IP6K1: variants seen among roughly 807,000 people sequenced by gnomAD.
IP6K1 encodes inositol hexakisphosphate kinase 1.
In IP6K1, 13 loss-of-function variants were observed where a neutral mutation model predicts 38.3. The observed-to-expected ratio is 0.34, with a 90% CI of 0.22 to 0.54. The LOEUF is 0.54. Among genes scored for constraint, IP6K1 ranks in the 20% least tolerant of loss-of-function variants. The probability of loss-of-function intolerance (pLI) is 0.92; values close to 1 mark genes in which losing one functional copy is unlikely to be tolerated. For missense variants in IP6K1, 397 were observed against 599.8 expected, an observed-to-expected ratio of 0.66 and a Z score of 3.53; for synonymous variants, 212 against 229.9, an observed-to-expected ratio of 0.92 and a Z score of 0.70.
At chr3:49,742,742 C>CA (rs902493472) in intron 2 of IP6K1, among the ~76,000 whole-genome samples, 17 of 148,542 alleles carry the variant, frequency 1.1e-4, no homozygotes, top group East Asian at 4.0e-4. Context: ...CTACAAAATA[C>CA]AAAAAAAAAG....
At chr3:49,743,608 T>TG in intron 2 of IP6K1, among the ~76,000 whole-genome samples, 1 of 135,228 alleles carries the variant, frequency 7.4e-6, no homozygotes, top group Admixed American at 7.3e-5. Context: ...GAGCCATAGT[T>TG]TTTTTTTTTT....
chr3:49,728,975 A>T (rs1344806835), intron 4 of IP6K1, among the ~76,000 whole-genome samples: 42 of 140,548 alleles, frequency 3.0e-4, no homozygotes, highest in Non-Finnish European at 5.1e-4. Context: ...TTTTTTTTAG[A>T]TGGAGTCTCG....
At chr3:49,729,085 G>A (rs1384598819) in intron 4 of IP6K1, among the ~76,000 whole-genome samples, 1 of 151,684 alleles carries the variant, frequency 6.6e-6, no homozygotes, top group Non-Finnish European at 1.5e-5. Flanking sequence ...CCATTAAATA[G>A]CACTGAACAG....
Position 49,770,522 on chromosome 3 carries a change from G to A in IP6K1, c.-129+15832C>T, listed in dbSNP as rs368438224. On this transcript the variant is annotated intron_variant, in intron 1 of 5. Coordinates refer to ENST00000321599, the MANE Select transcript of IP6K1 (RefSeq NM_153273.4). ...AGGCCAAGGTGTGCAGAGCTCACCT[G>A]TAGTCTTAGCTACGCGGGAGGCTGA... is the stretch of plus-strand genomic sequence containing the variant. 2.4e-4 allele frequency among the ~76,000 whole-genome samples: 37 copies of A among 152,224 alleles called. No homozygotes were observed. In the East Asian group the frequency reaches 5.6e-3, roughly 23 times the overall value.
chr3:49,735,563 A>C (rs1236306892), intron 3 of IP6K1, among the ~76,000 whole-genome samples: 3 of 152,314 alleles, frequency 2.0e-5, no homozygotes, highest in African/African-American at 7.2e-5. Context: ...CATCTGTCCA[A>C]AGAACGTTTG....
chr3:49,752,437 C>T (rs1365854047), intron 1 of IP6K1, among the ~76,000 whole-genome samples: 2 of 150,280 alleles, frequency 1.3e-5, no homozygotes, highest in Non-Finnish European at 3.0e-5. Context: ...TGCAGTGAGC[C>T]GAGATCGCGC....
chr3:49,732,051 C>T (rs886893913), intron 4 of IP6K1, among the ~76,000 whole-genome samples: 1 of 151,982 alleles, frequency 6.6e-6, no homozygotes, highest in Non-Finnish European at 1.5e-5. Context: ...ATCCTCCCAC[C>T]TCAGAGCTGG....
chr3:49,774,408 A>C (rs1182355522), intron 1 of IP6K1, among the ~76,000 whole-genome samples: 4 of 87,556 alleles, frequency 4.6e-5, no homozygotes, highest in African/African-American at 2.5e-4. Context: ...ACTCCATCTC[A>C]AAAAAAAAAA....
intron 1 of IP6K1, among the ~76,000 whole-genome samples, chr3:49,784,102 C>T (rs907991262): frequency 4.6e-5 from 7 of 152,022 alleles, no homozygotes; most frequent in African/African-American, 1.5e-4. Flanking sequence ...CTGCAACCTC[C>T]GCTTTCCGGG....
chr3:49,774,795 T>C (rs2080991973), intron 1 of IP6K1, among the ~76,000 whole-genome samples: 1 of 152,224 alleles, frequency 6.6e-6, no homozygotes, highest in African/African-American at 2.4e-5. Flanking sequence ...AAAGTCATTG[T>C]GTACACTGAG....
chr3:49,780,899 T>TAAAC (rs1198852459), intron 1 of IP6K1, among the ~76,000 whole-genome samples: 2 of 152,112 alleles, frequency 1.3e-5, no homozygotes, highest in Admixed American at 1.3e-4. Context: ...CCCTTCTATT[T>TAAAC]CCCTGTTTAA....
At chr3:49,734,022 T>G (rs2108225249) in intron 3 of IP6K1, among the ~76,000 whole-genome samples, 1 of 152,074 alleles carries the variant, frequency 6.6e-6, no homozygotes, top group South Asian at 2.1e-4. Context: ...TCCAGCCAGC[T>G]AGCTACTTGG....
chr3:49,735,003 T>C (rs1182331118), intron 3 of IP6K1, among the ~76,000 whole-genome samples: 1 of 152,112 alleles, frequency 6.6e-6, no homozygotes, highest in African/African-American at 2.4e-5. Context: ...TGTTATTCTA[T>C]ACCTTTTCAC....
intron 1 of IP6K1, among the ~76,000 whole-genome samples, chr3:49,784,588 T>G (rs1339300358): frequency 6.7e-6 from 1 of 149,158 alleles, no homozygotes; most frequent in Non-Finnish European, 1.5e-5. Context: ...GAGGTTGCAG[T>G]CAGCTGAGAT....
rs1226814196 is a variant in IP6K1, at chr3:49,724,847, CAGGGGCTGGTGTCAG to C, written c.*2260_*2274del. ...AGCACCACCCGTCCCACCCCACCCTCAGGGGCTGGTGTCAGCTTGGCCCAGGGAAGCACTATAGAG... is the reference window on the plus strand; with the variant it reads ...AGCACCACCCGTCCCACCCCACCCTCCTTGGCCCAGGGAAGCACTATAGAG... On this transcript the variant is annotated 3_prime_UTR_variant, in exon 6 of 6. Transcript: ENST00000321599. The C allele has an allele frequency of 6.5e-6, 1 of 152,720 alleles. No individual in the cohort carries two copies. The highest frequency in any genetic ancestry group is 2.4e-5 in the African/African-American group (1 of 41,458). The allele number at this position is 152,720 out of a possible 1,614,324, so 9.5% of individuals were successfully genotyped here.
chr3:49,734,056 T>G (rs1314036518), intron 3 of IP6K1, among the ~76,000 whole-genome samples: 1 of 152,162 alleles, frequency 6.6e-6, no homozygotes, highest in East Asian at 1.9e-4. Flanking sequence ...GAGGATCACC[T>G]GAGCCCAGGG....
chr3:49,733,258 AAG>A (rs774715885), intron 3 of IP6K1, among the ~76,000 whole-genome samples: 19 of 81,662 alleles, frequency 2.3e-4, no homozygotes, highest in Non-Finnish European at 4.0e-4. Flanking sequence ...GCTACAATCA[AAG>A]AAGAAAGTGG....
At chr3:49,765,127 T>C (rs1489266319) in intron 1 of IP6K1, among the ~76,000 whole-genome samples, 2 of 152,100 alleles carry the variant, frequency 1.3e-5, no homozygotes, top group African/African-American at 2.4e-5. Flanking sequence ...AGGAAAATAC[T>C]GTCAACCAAG....
chr3:49,749,858 T>C (rs1328939956), intron 1 of IP6K1, among the ~76,000 whole-genome samples: 1 of 147,288 alleles, frequency 6.8e-6, no homozygotes, highest in African/African-American at 2.5e-5. Flanking sequence ...TGCCTAGTTA[T>C]CCTGAATGAA....
Sources: gnomAD v4.1 joint callset for allele counts (sites outside exome capture counted in the v4.1 genomes callset) on GRCh38, gnomAD v4.1.1 for gene constraint, MANE v1.5 for transcripts, NCBI Gene and HGNC (gene_info 2026-07-23, HGNC 2026-07-21) for gene names.